Variants in MAN1C1 observed in about 807,000 individuals in gnomAD.
MAN1C1 encodes mannosyl-oligosaccharide 1,2-alpha-mannosidase IC.
In MAN1C1, 49 loss-of-function variants were observed where a neutral mutation model predicts 71.5. That is an observed-to-expected ratio of 0.69 (90% CI 0.54 to 0.87). The LOEUF is 0.87. Among genes scored for constraint, MAN1C1 ranks in the 40% least tolerant of loss-of-function variants. The pLI, the probability that MAN1C1 is intolerant of heterozygous loss-of-function variation, is 0.00. For missense variants in MAN1C1, 743 were observed against 835.0 expected, an observed-to-expected ratio of 0.89 and a Z score of 1.36; for synonymous variants, 352 against 343.7, an observed-to-expected ratio of 1.02 and a Z score of -0.27.
intron 1 of MAN1C1, among the ~76,000 whole-genome samples, chr1:25,672,318 C>A (rs2046004046): frequency 6.6e-6 from 1 of 152,218 alleles, no homozygotes; most frequent in Non-Finnish European, 1.5e-5. Context: ...CTAACTCAAC[C>A]CACCAACTCA....
At chr1:25,664,831 C>T (rs1325600093) in intron 1 of MAN1C1, among the ~76,000 whole-genome samples, 2 of 152,210 alleles carry the variant, frequency 1.3e-5, no homozygotes, top group East Asian at 1.9e-4. Context: ...AATTATCTCA[C>T]GATTGGACAT....
At chr1:25,621,099 G>C (rs1420430628) in intron 1 of MAN1C1, among the ~76,000 whole-genome samples, 1 of 152,216 alleles carries the variant, frequency 6.6e-6, no homozygotes, top group Non-Finnish European at 1.5e-5. Context: ...AGGGAGAGGA[G>C]AATAAGCTGG....
rs139852795 is a variant in MAN1C1, at chr1:25,712,946, T to C, written c.637+26410T>C. 3.2e-4 allele frequency among the ~76,000 whole-genome samples: 49 copies of C among 152,364 alleles called. No homozygotes were observed. The East Asian group carries it at 8.3e-3, about 26-fold the overall frequency. On this transcript the variant is annotated intron_variant, in intron 2 of 11. Transcript: ENST00000374332. ...TTTCCAAGCCAGTGGCCTTTTGATATTGACTTGGGATTAAACTCCCCACTG... is the reference window on the plus strand; with the variant it reads ...TTTCCAAGCCAGTGGCCTTTTGATACTGACTTGGGATTAAACTCCCCACTG...
chr1:25,757,350 C>A (rs548759697), intron 5 of MAN1C1, among the ~76,000 whole-genome samples: 1 of 152,374 alleles, frequency 6.6e-6, no homozygotes, highest in Admixed American at 6.5e-5. Flanking sequence ...ACTAACTACA[C>A]CTCAGAGCGT....
chr1:25,654,705 G>C (rs2045739025), intron 1 of MAN1C1, among the ~76,000 whole-genome samples: 1 of 151,884 alleles, frequency 6.6e-6, no homozygotes, highest in South Asian at 2.1e-4. Context: ...GGAGTGCAGT[G>C]GTGCGATCTT....
chr1:25,707,070 A>G (rs2046533574), intron 2 of MAN1C1, among the ~76,000 whole-genome samples: 1 of 152,188 alleles, frequency 6.6e-6, no homozygotes, highest in South Asian at 2.1e-4. Context: ...CCATAGATTG[A>G]GCTTGATGAT....
At chr1:25,673,830 T>G (rs532635308) in intron 1 of MAN1C1, among the ~76,000 whole-genome samples, 6 of 152,342 alleles carry the variant, frequency 3.9e-5, no homozygotes, top group African/African-American at 1.4e-4. Context: ...TGGGGGTGAT[T>G]ACCCCTACCC....
chr1:25,755,118 A>G (rs1396885869), intron 5 of MAN1C1, among the ~76,000 whole-genome samples: 2 of 152,062 alleles, frequency 1.3e-5, no homozygotes, highest in Non-Finnish European at 2.9e-5. Context: ...GCCCTTCAGG[A>G]GAGTAGGTAA....
At chr1:25,739,642 C>T (rs1014569869) in intron 2 of MAN1C1, among the ~76,000 whole-genome samples, 17 of 152,080 alleles carry the variant, frequency 1.1e-4, no homozygotes, top group African/African-American at 3.6e-4. Flanking sequence ...CTCAGCAGCT[C>T]CTGGGGAGGA....
rs377388345 is a variant in MAN1C1, at chr1:25,763,869, G to A, written c.1048-5G>A. 18 of 1,613,262 alleles carry A rather than the reference G, an allele frequency of 1.1e-5. 1 individual carries two copies. The highest frequency in any genetic ancestry group is 3.3e-5 in the Admixed American group (2 of 59,996). On this transcript the variant is annotated splice_polypyrimidine_tract_variant and splice_region_variant and intron_variant, in intron 6 of 11. Coordinates refer to ENST00000374332, the MANE Select transcript of MAN1C1 (RefSeq NM_020379.4). Reference sequence around the variant, plus strand: ...AAGGCTCACCTGGTGTCCGTCTCTCGGCAGGTCAGGAACATCCGCAAGGTC... The same window carrying A: ...AAGGCTCACCTGGTGTCCGTCTCTCAGCAGGTCAGGAACATCCGCAAGGTC...
intron 1 of MAN1C1, among the ~76,000 whole-genome samples, chr1:25,674,778 C>T (rs2124142716): frequency 6.6e-6 from 1 of 152,220 alleles, no homozygotes; most frequent in East Asian, 1.9e-4. Flanking sequence ...CTTCCTGGGC[C>T]TGATGGGCCT....
At chr1:25,678,233 A>G (rs970999829) in intron 1 of MAN1C1, among the ~76,000 whole-genome samples, 18 of 152,278 alleles carry the variant, frequency 1.2e-4, no homozygotes, top group African/African-American at 4.3e-4. Context: ...TTTGCCTATC[A>G]TGAAACATTT....
intron 1 of MAN1C1, among the ~76,000 whole-genome samples, chr1:25,668,025 C>G (rs989124795): frequency 6.6e-6 from 1 of 152,134 alleles, no homozygotes; most frequent in Non-Finnish European, 1.5e-5. Flanking sequence ...TTGGAATTCT[C>G]TCTCCTGGGG....
chr1:25,672,205 AAGAG>A (rs760005706), intron 1 of MAN1C1, among the ~76,000 whole-genome samples: 5 of 150,762 alleles, frequency 3.3e-5, no homozygotes, highest in Admixed American at 2.6e-4. Context: ...CTAGCTCCAG[AAGAG>A]AGAGAGAGAG....
intron 1 of MAN1C1, among the ~76,000 whole-genome samples, chr1:25,680,928 A>C (rs763464605): frequency 6.6e-6 from 1 of 152,102 alleles, no homozygotes; most frequent in Admixed American, 6.5e-5. Flanking sequence ...TTACAGTGAA[A>C]GGTTTCAGAG....
intron 7 of MAN1C1, among the ~76,000 whole-genome samples, chr1:25,768,871 TC>T: frequency 8.3e-6 from 1 of 120,638 alleles, no homozygotes; most frequent in East Asian, 2.8e-4. Context: ...CTACACACAC[TC>T]CCCTCACACA....
chr1:25,699,955 A>T (rs2046417233), intron 2 of MAN1C1, among the ~76,000 whole-genome samples: 1 of 152,184 alleles, frequency 6.6e-6, no homozygotes, highest in Non-Finnish European at 1.5e-5. Flanking sequence ...AACGGTCAGC[A>T]TGAGAACTAT....
At chr1:25,739,151 T>C (rs2047022846) in intron 2 of MAN1C1, among the ~76,000 whole-genome samples, 1 of 151,958 alleles carries the variant, frequency 6.6e-6, no homozygotes, top group Non-Finnish European at 1.5e-5. Flanking sequence ...ATAAAGAAAA[T>C]AGCACCTCAT....
At chr1:25,745,058 A>G (rs376822531) in intron 2 of MAN1C1, among the ~76,000 whole-genome samples, 4 of 152,224 alleles carry the variant, frequency 2.6e-5, no homozygotes, top group East Asian at 3.8e-4. Context: ...AGTAGCAGGC[A>G]TGTCCCTTTC....
Sources: gnomAD v4.1 joint callset for allele counts (sites outside exome capture counted in the v4.1 genomes callset) on GRCh38, gnomAD v4.1.1 for gene constraint, MANE v1.5 for transcripts, NCBI Gene and HGNC (gene_info 2026-07-23, HGNC 2026-07-21) for gene names.